DNAJC10: variants seen among roughly 807,000 people sequenced by gnomAD.
DNAJC10 encodes endoplasmic reticulum disulfide reductase DNAJC10.
DNAJC10 carries 101 observed loss-of-function variants against 115.0 expected under a neutral mutation model. The observed-to-expected ratio is 0.88, with a 90% CI of 0.75 to 1.04. The LOEUF (loss-of-function observed/expected upper bound fraction) is 1.04. Among genes scored for constraint, DNAJC10 ranks in the 50% least tolerant of loss-of-function variants. The probability of loss-of-function intolerance (pLI) is 0.00; values close to 1 mark genes in which losing one functional copy is unlikely to be tolerated. For synonymous variants in DNAJC10, 307 were observed against 301.5 expected, an observed-to-expected ratio of 1.02 and a Z score of -0.19; for missense variants, 981 against 928.8, an observed-to-expected ratio of 1.06 and a Z score of -0.73.
At position 182,729,599 on chromosome 2, in the gene DNAJC10, C is replaced by G. The variant is rs372743062; in HGVS notation, c.634-249C>G. ...GTGTTGTCTCATTGAATGTAAAGCTCTGATATCTTTTTTCTTAGTTTCCAG... is the reference window on the plus strand; with the variant it reads ...GTGTTGTCTCATTGAATGTAAAGCTGTGATATCTTTTTTCTTAGTTTCCAG... On this transcript the variant is annotated intron_variant, in intron 7 of 23. Coordinates refer to ENST00000264065, the MANE Select transcript of DNAJC10 (RefSeq NM_018981.4). 5.3e-5 allele frequency among the ~76,000 whole-genome samples: 8 copies of G among 151,102 alleles called. 1 individual carries two copies. The highest frequency in any genetic ancestry group is 2.0e-4 in the African/African-American group (8 of 40,942).
rs1188779008 is a variant in DNAJC10 at position 182,754,683 on chromosome 2, CTCT to C, written c.1552-315_1552-313del. Reference sequence around the variant, plus strand: ...AGAGATATAGCCTGTTGTTTATAGCCTCTTCTTACCTTGGTTCAGGAGAGTAAA... The same window carrying C: ...AGAGATATAGCCTGTTGTTTATAGCCTCTTACCTTGGTTCAGGAGAGTAAA... On this transcript the variant is annotated intron_variant, in intron 16 of 23. Coordinates refer to ENST00000264065, the MANE Select transcript of DNAJC10 (RefSeq NM_018981.4). 9 of 918,406 alleles carry C rather than the reference CTCT, an allele frequency of 9.8e-6. No homozygotes were observed. The African/African-American group carries it at 1.6e-4, about 16-fold the overall frequency. 56.9% of individuals were successfully genotyped at this position (918,406 alleles called of 1,614,324 possible).
Position 182,743,724 on chromosome 2 carries a change from A to G in DNAJC10, c.1306+12A>G, listed in dbSNP as rs200333742. 2.1e-4 allele frequency: 322 copies of G among 1,514,550 alleles called. No homozygotes were observed. In the African/African-American group the frequency reaches 3.6e-3, roughly 17 times the overall value. 93.8% of individuals were successfully genotyped at this position (1,514,550 alleles called of 1,614,324 possible). A position where few individuals can be genotyped will look rare whatever the true frequency, so the allele number is the denominator to read the frequency against. Reference sequence around the variant, plus strand: ...TGAAATTCATCATGGTAAGAATGGAAAAAAATGATAAAAAAAAACTTAGCT... The same window carrying G: ...TGAAATTCATCATGGTAAGAATGGAGAAAAATGATAAAAAAAAACTTAGCT... On this transcript the variant is annotated intron_variant, in intron 14 of 23. Coordinates refer to ENST00000264065, the MANE Select transcript of DNAJC10 (RefSeq NM_018981.4).
chr2:182,732,847 TTTTC>T, intron 10 of DNAJC10: 1 of 371,414 alleles, frequency 2.7e-6, no homozygotes, highest in South Asian at 3.6e-5. Flanking sequence ...TCTTTTGTTG[TTTTC>T]TTTTTTAGTC....
chr2:182,756,346 A>G lies in DNAJC10; in HGVS notation c.1686A>G (p.Thr562=), dbSNP rs148262147. 5.6e-6 allele frequency: 9 copies of G among 1,613,742 alleles called. No individual in the cohort carries two copies. The highest frequency in any genetic ancestry group is 7.6e-6 in the Non-Finnish European group (9 of 1,179,832). ...TGAATCCTTCAGTGGTCTCCCTTAC[A>G]CCCACCACCTTCAACGAACTAGTTA... The part of the protein sequence containing the change: ...DLMNPSVVSL[T]PTTFNELVTQ... Residue 562 remains threonine, a synonymous_variant, in exon 18 of 24, where the codon ACA becomes ACG. Transcript: ENST00000264065.
In DNAJC10 at chr2:182,778,141, TTTTTCTTTC is replaced by T. The variant is rs1694758020; in HGVS notation, c.*1010_*1018del. On this transcript the variant is annotated 3_prime_UTR_variant, in exon 24 of 24. Coordinates refer to ENST00000264065, the MANE Select transcript of DNAJC10 (RefSeq NM_018981.4). Reference sequence around the variant, plus strand: ...ACCTGTATCCTTTATTTACATTGGGTTTTTCTTTCGTAGTTTTGGTTTTTCACTCCTGTC... The same window carrying T: ...ACCTGTATCCTTTATTTACATTGGGTGTAGTTTTGGTTTTTCACTCCTGTC... 6.6e-6 allele frequency: 1 copy of T among 152,126 alleles called. No homozygotes were observed. Among genetic ancestry groups the T allele is most frequent in the Non-Finnish European group, 1.5e-5 (1 of 68,014 alleles). 9.4% of individuals were successfully genotyped at this position (152,126 alleles called of 1,614,324 possible).
At chr2:182,745,150 A>G (rs554833350) in intron 14 of DNAJC10, among the ~76,000 whole-genome samples, 3 of 152,272 alleles carry the variant, frequency 2.0e-5, no homozygotes, top group Non-Finnish European at 4.4e-5. Flanking sequence ...CAATAATCTC[A>G]TCTGTTTTGC....
intron 21 of DNAJC10, 123 bp downstream of exon 21, chr2:182,759,430 CTATTA>C (rs1386643358): frequency 7.7e-6 from 7 of 912,836 alleles, no homozygotes; most frequent in Non-Finnish European, 6.5e-6. Flanking sequence ...TTAAAAATAG[CTATTA>C]TATTTCTATG....
rs1559035583 is a variant in DNAJC10, at chr2:182,787,690, C to CAGAA, written c.*10559_*10562dup. 1 of 152,218 alleles carries CAGAA rather than the reference C, an allele frequency of 6.6e-6. No homozygotes were observed. The highest frequency in any genetic ancestry group is 1.9e-4 in the East Asian group (1 of 5,180). 9.4% of individuals were successfully genotyped at this position (152,218 alleles called of 1,614,324 possible). A position where few individuals can be genotyped will look rare whatever the true frequency, so the allele number is the denominator to read the frequency against. On this transcript the variant is annotated 3_prime_UTR_variant, in exon 24 of 24. Coordinates refer to ENST00000264065, the MANE Select transcript of DNAJC10 (RefSeq NM_018981.4). ...ACTCCAGCACTTTGGAAGGCCCAGG[C>CAGAA]AGAAGGATTCCTGCAGACCAGGATT...
intron 11 of DNAJC10, among the ~76,000 whole-genome samples, chr2:182,737,760 GT>G (rs1184917273): frequency 1.3e-5 from 2 of 152,094 alleles, no homozygotes; most frequent in Non-Finnish European, 2.9e-5. Flanking sequence ...GCTTCATCCA[GT>G]TTTTTCCCAT....
chr2:182,739,014 G>A (rs1202504803), intron 11 of DNAJC10, among the ~76,000 whole-genome samples: 8 of 151,758 alleles, frequency 5.3e-5, no homozygotes, highest in Non-Finnish European at 7.4e-5. Context: ...GTTTATATAG[G>A]CTGTGTAATA....
At position 182,721,446 on chromosome 2, in the gene DNAJC10, A is replaced by G. The variant is rs539834677; in HGVS notation, c.368-579A>G. Reference sequence around the variant, plus strand: ...GTTGAGAAGTTGTGATAGAAGCCATACATCCCACAAAGCCTAAAAAATGTA... The same window carrying G: ...GTTGAGAAGTTGTGATAGAAGCCATGCATCCCACAAAGCCTAAAAAATGTA... On this transcript the variant is annotated intron_variant, in intron 4 of 23. Transcript: ENST00000264065. Among the ~76,000 whole-genome samples, 184 of 152,274 alleles carry G rather than the reference A, an allele frequency of 1.2e-3. 1 individual carries two copies. The highest frequency in any genetic ancestry group is 4.2e-3 in the African/African-American group (174 of 41,572).
At chr2:182,728,802 G>A (rs1693358263) in intron 6 of DNAJC10, 61 bp from the exon 7 acceptor site, 2 of 1,575,286 alleles carry the variant, frequency 1.3e-6, no homozygotes, top group Middle Eastern at 1.7e-4. Context: ...ATAGCTTGGA[G>A]TGTGTTCAAG....
chr2:182,735,327 A>G (rs928361533), intron 10 of DNAJC10, among the ~76,000 whole-genome samples: 2 of 151,964 alleles, frequency 1.3e-5, no homozygotes, highest in Non-Finnish European at 2.9e-5. Context: ...TTCTAATCAA[A>G]TATGTTTTTT....
intron 14 of DNAJC10, among the ~76,000 whole-genome samples, chr2:182,750,687 A>T (rs531080110): frequency 6.6e-6 from 1 of 152,158 alleles, no homozygotes; most frequent in Non-Finnish European, 1.5e-5. Flanking sequence ...CATCTGTACA[A>T]TGTGTTACAA....
chr2:182,789,891 T>C lies in DNAJC10; in HGVS notation c.*12759T>C, dbSNP rs182547973. ...TGTGCGTTCATATCCCATTGGAGTT[T>C]TGATTTGTACTTTTAGAGTCTTTAA... On this transcript the variant is annotated 3_prime_UTR_variant, in exon 24 of 24. Transcript: ENST00000264065. 1.3e-5 allele frequency: 2 copies of C among 152,346 alleles called. No individual in the cohort carries two copies. The highest frequency in any genetic ancestry group is 1.3e-4 in the Admixed American group (2 of 15,296). The allele number at this position is 152,346 out of a possible 1,614,324, so 9.4% of individuals were successfully genotyped here.
At chr2:182,728,478 CT>C in intron 5 of DNAJC10, 97 bp from the exon 6 acceptor site, 1 of 715,256 alleles carries the variant, frequency 1.4e-6, no homozygotes, top group Non-Finnish European at 2.3e-6. Flanking sequence ...AATTGCATGA[CT>C]TTTTAAAATT....
At chr2:182,772,956 A>G (rs1694606555) in intron 22 of DNAJC10, among the ~76,000 whole-genome samples, 1 of 152,192 alleles carries the variant, frequency 6.6e-6, no homozygotes, top group South Asian at 2.1e-4. Context: ...ACCATTTGGC[A>G]TGTTTTTGCA....
At chr2:182,775,125 G>T (rs1483747332) in intron 22 of DNAJC10, among the ~76,000 whole-genome samples, 191 bp from the exon 23 acceptor site, 1 of 137,644 alleles carries the variant, frequency 7.3e-6, no homozygotes, top group Non-Finnish European at 1.6e-5. Flanking sequence ...ACTATTATTA[G>T]TATTTATTTT....
chr2:182,739,812 C>T, intron 11 of DNAJC10: 4 of 993,656 alleles, frequency 4.0e-6, no homozygotes, highest in Non-Finnish European at 4.8e-6. Context: ...TTCTAAGTTC[C>T]TCTTAATTAA....
Sources: gnomAD v4.1 joint callset for allele counts (sites outside exome capture counted in the v4.1 genomes callset) on GRCh38, gnomAD v4.1.1 for gene constraint, MANE v1.5 for transcripts, NCBI Gene and HGNC (gene_info 2026-07-23, HGNC 2026-07-21) for gene names.